Variants in THSD4 observed in about 807,000 individuals in gnomAD.
THSD4 encodes thrombospondin type-1 domain-containing protein 4.
A neutral mutation model predicts 119.0 loss-of-function variants in THSD4; 69 were observed. The observed-to-expected ratio is 0.58, with a 90% confidence interval of 0.48 to 0.71. The LOEUF (loss-of-function observed/expected upper bound fraction) is 0.71. THSD4 is among the 30% of genes least tolerant of loss of function. The pLI is 0.00. For missense variants in THSD4, 1,393 were observed against 1,391.1 expected, an observed-to-expected ratio of 1.00 and a Z score of -0.02; for synonymous variants, 524 against 540.4, an observed-to-expected ratio of 0.97 and a Z score of 0.42.
chr15:71,739,601 A>AT (rs2053196005), intron 11 of THSD4, among the ~76,000 whole-genome samples: 1 of 152,188 alleles, frequency 6.6e-6, no homozygotes. Flanking sequence ...CTCATTGCAA[A>AT]GATACACCTA....
chr15:71,468,341 A>G (rs2047528758), intron 7 of THSD4, among the ~76,000 whole-genome samples: 1 of 152,214 alleles, frequency 6.6e-6, no homozygotes, highest in South Asian at 2.1e-4. Flanking sequence ...TATTAGCAGC[A>G]TGAGAACAGA....
At chr15:71,658,250 G>A (rs976630063) in intron 7 of THSD4, among the ~76,000 whole-genome samples, 3 of 152,176 alleles carry the variant, frequency 2.0e-5, no homozygotes, top group African/African-American at 7.2e-5. Context: ...GACAAGTTCC[G>A]CTGAACTCTC....
intron 7 of THSD4, among the ~76,000 whole-genome samples, chr15:71,630,914 G>T (rs545967358): frequency 2.0e-5 from 3 of 152,280 alleles, no homozygotes; most frequent in East Asian, 3.9e-4. Context: ...GGTTCTTTGC[G>T]GTGGGGGCTG....
intron 7 of THSD4, among the ~76,000 whole-genome samples, chr15:71,468,401 T>A (rs1298548612): frequency 6.6e-6 from 1 of 152,184 alleles, no homozygotes; most frequent in Non-Finnish European, 1.5e-5. Flanking sequence ...AGATCCCTTT[T>A]TCCTTAAAAT....
chr15:71,533,484 A>G (rs886950999), intron 7 of THSD4, among the ~76,000 whole-genome samples: 10 of 152,254 alleles, frequency 6.6e-5, no homozygotes, highest in Admixed American at 3.9e-4. Context: ...AGTATCTCAG[A>G]ACATACAGTA....
At chr15:71,752,473 T>C (rs1369731289) in intron 14 of THSD4, among the ~76,000 whole-genome samples, 1 of 152,234 alleles carries the variant, frequency 6.6e-6, no homozygotes, top group Admixed American at 6.5e-5. Flanking sequence ...AGTTGGGTGC[T>C]ATGGTGTAAG....
chr15:71,452,563 C>T (rs1055288910), intron 7 of THSD4, among the ~76,000 whole-genome samples: 1 of 151,936 alleles, frequency 6.6e-6, no homozygotes. Context: ...AAGCCCTAAC[C>T]CCAAGGTGAT....
At chr15:71,415,388 T>A (rs949644284) in intron 7 of THSD4, among the ~76,000 whole-genome samples, 19 of 152,356 alleles carry the variant, frequency 1.2e-4, no homozygotes, top group African/African-American at 1.7e-4. Flanking sequence ...ATTTATTTTT[T>A]AAAAATTCTT....
At chr15:71,735,883 TCTCTCTGTCTCTCTCTGTCTCTCTTG>T (rs999271363) in intron 10 of THSD4, among the ~76,000 whole-genome samples, 4 of 150,934 alleles carry the variant, frequency 2.7e-5, no homozygotes, top group Admixed American at 2.6e-4. Context: ...TCTGTCTCTG[TCTCTCTGTCTCTCTCTGTCTCTCTTG>T]CTCTCTGTCT....
chr15:71,217,746 T>C (rs2043946340), intron 4 of THSD4, among the ~76,000 whole-genome samples: 1 of 151,942 alleles, frequency 6.6e-6, no homozygotes, highest in Non-Finnish European at 1.5e-5. Context: ...AAATTTATAA[T>C]AGCTAAGGTT....
intron 6 of THSD4, among the ~76,000 whole-genome samples, chr15:71,305,745 G>A (rs2045015025): frequency 6.6e-6 from 1 of 152,110 alleles, no homozygotes; most frequent in Non-Finnish European, 1.5e-5. Flanking sequence ...TGAGTAGAGG[G>A]AAAGCTGTTT....
At position 71,256,641 on chromosome 15, in the gene THSD4, G is replaced by T; in HGVS notation, c.941G>T (p.Arg314Leu). The T allele has an allele frequency of 1.2e-6, 2 of 1,613,920 alleles. No homozygotes were observed. The highest frequency in any genetic ancestry group is 1.7e-6 in the Non-Finnish European group (2 of 1,179,920). The change falls in exon 6 of 18, where the codon CGG becomes CTG. Residue 314 changes from arginine (R) to leucine (L), a missense_variant. Coordinates refer to ENST00000261862, the MANE Select transcript of THSD4 (RefSeq NM_024817.3). ...TGTCCAGAAAGCAGTAGAAGTATCCGGGAGGTACAGTGTGCATCCTACAAC... is the reference window on the plus strand; with the variant it reads ...TGTCCAGAAAGCAGTAGAAGTATCCTGGAGGTACAGTGTGCATCCTACAAC... ...NVCPESSRSI[R>L]EVQCASYNNK...
At chr15:71,139,706 A>T (rs1310061044) in intron 1 of THSD4, among the ~76,000 whole-genome samples, 2 of 152,222 alleles carry the variant, frequency 1.3e-5, no homozygotes, top group South Asian at 4.1e-4. Flanking sequence ...TCTGGTTCTC[A>T]TGACTATCTT....
chr15:71,706,519 G>C (rs2052395943), intron 8 of THSD4, among the ~76,000 whole-genome samples: 1 of 152,194 alleles, frequency 6.6e-6, no homozygotes, highest in Non-Finnish European at 1.5e-5. Flanking sequence ...AGAATGCAGA[G>C]AAAAACAGAA....
intron 7 of THSD4, among the ~76,000 whole-genome samples, chr15:71,629,296 C>T (rs950667): frequency 0.53 from 79,813 of 152,022 alleles, 22,694 homozygotes; most frequent in Middle Eastern, 0.69. Flanking sequence ...AGCCTTATCT[C>T]AATGTGGATT....
At chr15:71,258,654 C>T (rs925503651) in intron 6 of THSD4, among the ~76,000 whole-genome samples, 2 of 152,160 alleles carry the variant, frequency 1.3e-5, no homozygotes, top group African/African-American at 4.8e-5. Flanking sequence ...CTGGTGAAGA[C>T]AAAGTGTAAT....
chr15:71,556,121 C>T (rs927058903), intron 7 of THSD4, among the ~76,000 whole-genome samples: 1 of 152,134 alleles, frequency 6.6e-6, no homozygotes, highest in Admixed American at 6.5e-5. Context: ...TATTCTTAGA[C>T]ATTTGCTCTT....
intron 6 of THSD4, among the ~76,000 whole-genome samples, chr15:71,314,734 G>A (rs565064134): frequency 1.3e-5 from 2 of 152,318 alleles, no homozygotes; most frequent in South Asian, 2.1e-4. Context: ...CCTTGGTTCA[G>A]TGTGCTGTAG....
At chr15:71,398,644 T>C (rs1268723465) in intron 6 of THSD4, among the ~76,000 whole-genome samples, 1 of 151,974 alleles carries the variant, frequency 6.6e-6, no homozygotes, top group Non-Finnish European at 1.5e-5. Flanking sequence ...CTTGAGAAAA[T>C]TGGGTTGCGC....
Sources: gnomAD v4.1 joint callset for allele counts (sites outside exome capture counted in the v4.1 genomes callset) on GRCh38, gnomAD v4.1.1 for gene constraint, MANE v1.5 for transcripts, NCBI Gene and HGNC (gene_info 2026-07-23, HGNC 2026-07-21) for gene names.